The following OSBPL3 variants were observed in gnomAD, a reference collection of about 807,000 sequenced individuals.
OSBPL3 encodes oxysterol binding protein like 3, also known as oxysterol-binding protein-related protein 3.
In OSBPL3, 65 loss-of-function variants were observed where a neutral mutation model predicts 120.1. The observed-to-expected ratio is 0.54, with a 90% CI of 0.44 to 0.67. OSBPL3 has a LOEUF of 0.67. Among genes scored for constraint, OSBPL3 ranks in the 30% least tolerant of loss-of-function variants. The probability of loss-of-function intolerance (pLI) is 0.00; values close to 1 mark genes in which losing one functional copy is unlikely to be tolerated. For synonymous variants in OSBPL3, 416 were observed against 402.6 expected (o/e 1.03, Z -0.40); for missense variants, 1,004 against 1,082.1 (o/e 0.93, Z 1.01).
chr7:24,895,636 G>A (rs961420147), intron 1 of OSBPL3, among the ~76,000 whole-genome samples: 2 of 152,138 alleles, frequency 1.3e-5, no homozygotes, highest in Non-Finnish European at 2.9e-5. Flanking sequence ...TCCACTCTAG[G>A]GGACACCACA....
chr7:24,899,572 C>T lies in OSBPL3; in HGVS notation c.-149-6951G>A, dbSNP rs1004445775. Among the ~76,000 whole-genome samples, 1 of 152,088 alleles carries T rather than the reference C, an allele frequency of 6.6e-6. No homozygotes were observed. Among genetic ancestry groups the T allele is most frequent in the African/African-American group, 2.4e-5 (1 of 41,394 alleles). On this transcript the variant is annotated intron_variant, in intron 1 of 22. Coordinates refer to ENST00000313367, the MANE Select transcript of OSBPL3 (RefSeq NM_015550.4). This position sits in a 1 kb window ranked among gnomAD's most constrained non-coding sequence, Gnocchi z 4.0. ...TGGTCACTGGCTGACTTCTTTGTTA[C>T]GGCATACATAGATTGCACAGGCATA...
In OSBPL3 at chr7:24,824,813, A is replaced by C. The variant is rs1795507369; in HGVS notation, c.1885-4575T>G. On this transcript the variant is annotated intron_variant, in intron 16 of 22. Transcript: ENST00000313367. The surrounding 1 kb of genome is among the most constrained non-coding windows in gnomAD (Gnocchi z 4.9). ...GGGACAGTGAGTAGGAGTGCTGGTC[A>C]GACAGGGTGGTGGGGCAGGACTCTA... Among the ~76,000 whole-genome samples, 1 of 152,224 alleles carries C rather than the reference A, an allele frequency of 6.6e-6. No homozygotes were observed.
chr7:24,852,675 T>C lies in OSBPL3; in HGVS notation c.1028-41A>G, dbSNP rs574921947. On this transcript the variant is annotated intron_variant, in intron 10 of 22. Coordinates refer to ENST00000313367, the MANE Select transcript of OSBPL3 (RefSeq NM_015550.4). This position sits in a 1 kb window ranked among gnomAD's most constrained non-coding sequence, Gnocchi z 4.1. ...CATTATAAAAAGGAATAAGGAGGCATAATTAAAAACAAAATACAGAAAAAA... is the reference window on the plus strand; with the variant it reads ...CATTATAAAAAGGAATAAGGAGGCACAATTAAAAACAAAATACAGAAAAAA... The C allele has an allele frequency of 1.5e-6, 2 of 1,371,998 alleles. No individual in the cohort carries two copies. Among genetic ancestry groups the C allele is most frequent in the Admixed American group, 5.2e-5 (2 of 38,648 alleles). 85.0% of individuals were successfully genotyped at this position (1,371,998 alleles called of 1,614,324 possible). A position where few individuals can be genotyped will look rare whatever the true frequency, so the allele number is the denominator to read the frequency against.
At chr7:24,836,442 C>T (rs901195825) in intron 14 of OSBPL3, among the ~76,000 whole-genome samples, 1 of 152,188 alleles carries the variant, frequency 6.6e-6, no homozygotes, top group African/African-American at 2.4e-5. Context: ...GTATTAACAC[C>T]ATACTCTCTT....
At position 24,896,985 on chromosome 7, in the gene OSBPL3, C is replaced by A. The variant is rs896477821; in HGVS notation, c.-149-4364G>T. 6.6e-6 allele frequency among the ~76,000 whole-genome samples: 1 copy of A among 150,862 alleles called. No homozygotes were observed. Among genetic ancestry groups the A allele is most frequent in the Admixed American group, 6.6e-5 (1 of 15,140 alleles). On this transcript the variant is annotated intron_variant, in intron 1 of 22. Transcript: ENST00000313367. The surrounding 1 kb of genome is among the most constrained non-coding windows in gnomAD (Gnocchi z 4.4). ...TACTCAGGAGGCTGAGGCAGGAGAA[C>A]TGCTTGAACCTGGGAGGCAGAGGTT... is the stretch of plus-strand genomic sequence containing the variant.
At chr7:24,945,140 A>G (rs1456414522) in intron 1 of OSBPL3, among the ~76,000 whole-genome samples, 2 of 152,202 alleles carry the variant, frequency 1.3e-5, no homozygotes, top group Non-Finnish European at 2.9e-5. Flanking sequence ...AACAAATAAA[A>G]AAGAAAAACA....
At chr7:24,816,153 T>C (rs1048611173) in intron 18 of OSBPL3, among the ~76,000 whole-genome samples, 4 of 152,076 alleles carry the variant, frequency 2.6e-5, no homozygotes, top group Non-Finnish European at 5.9e-5. Flanking sequence ...GCCTCCTGAG[T>C]AGCTGGGACT....
chr7:24,808,386 TAA>T lies in OSBPL3; in HGVS notation c.2317+1419_2317+1420del, dbSNP rs1793335151. On this transcript the variant is annotated intron_variant, in intron 20 of 22. Transcript: ENST00000313367. The surrounding 1 kb of genome is among the most constrained non-coding windows in gnomAD (Gnocchi z 4.6). ...GATGCTCACTGCCATTAGAGAGACA[TAA>T]AGTCAAGGAATAATGACAGTAACAA... is the stretch of plus-strand genomic sequence containing the variant. Among the ~76,000 whole-genome samples, 1 of 152,166 alleles carries T rather than the reference TAA, an allele frequency of 6.6e-6. No homozygotes were observed. The highest frequency in any genetic ancestry group is 1.5e-5 in the Non-Finnish European group (1 of 68,028).
chr7:24,908,920 T>C (rs897661972), intron 1 of OSBPL3, among the ~76,000 whole-genome samples: 4 of 152,370 alleles, frequency 2.6e-5, no homozygotes, highest in Middle Eastern at 3.4e-3. Context: ...GGCAAGAGCC[T>C]GCTCCACAAA....
intron 1 of OSBPL3, among the ~76,000 whole-genome samples, chr7:24,914,531 C>G (rs1169912695): frequency 6.6e-6 from 1 of 151,870 alleles, no homozygotes; most frequent in Non-Finnish European, 1.5e-5. Context: ...TATTTTCTCC[C>G]TTTTTTTTGT....
rs944682200 is a variant in OSBPL3 at position 24,940,751 on chromosome 7, G to A, written c.-150+39135C>T. 6.6e-6 allele frequency among the ~76,000 whole-genome samples: 1 copy of A among 151,930 alleles called. No individual in the cohort carries two copies. Among genetic ancestry groups the A allele is most frequent in the Admixed American group, 6.6e-5 (1 of 15,264 alleles). On this transcript the variant is annotated intron_variant, in intron 1 of 22. Transcript: ENST00000313367. This position sits in a 1 kb window ranked among gnomAD's most constrained non-coding sequence, Gnocchi z 4.4. ...CAGGCCAGGAACTCTAAGGCAAACA[G>A]GAGACAGCTACAAACCAAAGCTCAC...
intron 19 of OSBPL3, chr7:24,810,175 T>G: frequency 2.0e-6 from 1 of 496,988 alleles, no homozygotes; most frequent in Admixed American, 3.5e-5. Flanking sequence ...GTGGAATGGC[T>G]AAATCAAGCT....
chr7:24,924,766 A>C (rs1433425430), intron 1 of OSBPL3, among the ~76,000 whole-genome samples: 1 of 152,212 alleles, frequency 6.6e-6, no homozygotes, highest in Non-Finnish European at 1.5e-5. Context: ...CTGATCTGAC[A>C]GTAATCAGAA....
At chr7:24,976,087 G>T (rs1817555031) in intron 1 of OSBPL3, among the ~76,000 whole-genome samples, 1 of 152,232 alleles carries the variant, frequency 6.6e-6, no homozygotes, top group East Asian at 1.9e-4. Flanking sequence ...CTTGGGGATT[G>T]AGTCTGAGAT....
At chr7:24,845,013 T>A (rs1798233495) in intron 12 of OSBPL3, among the ~76,000 whole-genome samples, 2 of 152,128 alleles carry the variant, frequency 1.3e-5, no homozygotes, top group Admixed American at 1.3e-4. Context: ...TTAAGAATGT[T>A]TACAGATTTG....
Position 24,863,662 on chromosome 7 carries a change from C to A in OSBPL3, c.674-63G>T. 1 of 1,039,274 alleles carries A rather than the reference C, an allele frequency of 9.6e-7. No individual in the cohort carries two copies. 64.4% of individuals were successfully genotyped at this position (1,039,274 alleles called of 1,614,324 possible). ...CTAGCAAGAGGGATCACTGTGCTGT[C>A]CCCATGCCAGCTACTTTTCCTTATT... is the stretch of plus-strand genomic sequence containing the variant. On this transcript the variant is annotated intron_variant, in intron 7 of 22. Coordinates refer to ENST00000313367, the MANE Select transcript of OSBPL3 (RefSeq NM_015550.4). This position sits in a 1 kb window ranked among gnomAD's most constrained non-coding sequence, Gnocchi z 5.8.
intron 1 of OSBPL3, among the ~76,000 whole-genome samples, chr7:24,917,411 T>C (rs900444347): frequency 0.023 from 3,224 of 137,582 alleles, 250 homozygotes; most frequent in African/African-American, 0.087. Context: ...CATATATATA[T>C]ATATATATAT....
chr7:24,846,445 C>A (rs1265990898), intron 12 of OSBPL3, among the ~76,000 whole-genome samples: 1 of 152,206 alleles, frequency 6.6e-6, no homozygotes, highest in Admixed American at 6.5e-5. Flanking sequence ...TATTCAAATG[C>A]ATGCCGATAT....
At chr7:24,974,299 G>A (rs971698131) in intron 1 of OSBPL3, among the ~76,000 whole-genome samples, 8 of 152,196 alleles carry the variant, frequency 5.3e-5, no homozygotes, top group African/African-American at 1.9e-4. Context: ...CCTAAAAACT[G>A]TAGCATTGCA....
Sources: gnomAD v4.1 joint callset for allele counts (sites outside exome capture counted in the v4.1 genomes callset) on GRCh38, gnomAD v4.1.1 for gene constraint, Gnocchi (gnomAD v3.1) non-coding constraint, MANE v1.5 for transcripts, NCBI Gene and HGNC (gene_info 2026-07-23, HGNC 2026-07-21) for gene names.